The following MROH1 variants were observed in gnomAD, a reference collection of about 807,000 sequenced individuals.
The protein encoded by MROH1 is maestro heat-like repeat-containing protein family member 1.
Under a neutral mutation model 116.5 loss-of-function variants are expected in MROH1, and 117 were observed. That is an observed-to-expected ratio of 1.00 (90% CI 0.86 to 1.17). The LOEUF (loss-of-function observed/expected upper bound fraction) is 1.17, where lower values mean the gene tolerates loss of function less well. Ranked by LOEUF, MROH1 falls within the 50% of genes most tolerant of loss-of-function variation. The pLI is 0.00. For missense variants in MROH1, 1,873 were observed against 1,338.5 expected (o/e 1.40, Z -6.23); for synonymous variants, 921 against 583.9 (o/e 1.58, Z -8.32).
intron 7 of MROH1, among the ~76,000 whole-genome samples, chr8:144,183,638 CTTCTTTT>C (rs369500256): frequency 1.5e-4 from 22 of 151,316 alleles, no homozygotes; most frequent in East Asian, 3.9e-4. Context: ...GGCCTTTCTT[CTTCTTTT>C]TTCTTTTTTC....
chr8:144,202,663 AG>A (rs1588131790), intron 12 of MROH1, among the ~76,000 whole-genome samples: 22 of 21,400 alleles, frequency 1.0e-3, no homozygotes, highest in Admixed American at 2.0e-3. Context: ...AGAGGCGGGG[AG>A]GGGGAGCACC....
intron 35 of MROH1, among the ~76,000 whole-genome samples, chr8:144,257,259 G>A (rs960675466): frequency 1.1e-4 from 16 of 152,158 alleles, no homozygotes; most frequent in Admixed American, 4.6e-4. Context: ...CTTCTCGTAC[G>A]TCCGACCTTG....
Position 144,248,899 on chromosome 8 carries a change from C to G in MROH1, c.3143C>G (p.Pro1048Arg), listed in dbSNP as rs933449644. ...VGQIIAKRLPPDQLISLLLTM... is the reference protein window; with the variant it reads ...VGQIIAKRLPRDQLISLLLTM... ...TAGATTATTGCCAAGCGCCTCCCCCCAGACCAGCTCATCAGCCTCTTGCTA... is the reference window on the plus strand; with the variant it reads ...TAGATTATTGCCAAGCGCCTCCCCCGAGACCAGCTCATCAGCCTCTTGCTA... The change falls in exon 32 of 44, where the codon CCA (proline) becomes CGA (arginine). Residue 1048 changes from proline to arginine, a missense_variant. Coordinates refer to ENST00000326134, the MANE Select transcript of MROH1 (RefSeq NM_032450.3). 2.6e-6 allele frequency: 2 copies of G among 778,920 alleles called. No individual in the cohort carries two copies. Among genetic ancestry groups the G allele is most frequent in the Non-Finnish European group, 2.4e-6 (1 of 417,196 alleles). The allele number at this position is 778,920 out of a possible 1,614,324, so 48.3% of individuals were successfully genotyped here.
chr8:144,162,124 G>A (rs1191622664), intron 2 of MROH1, among the ~76,000 whole-genome samples: 5 of 141,816 alleles, frequency 3.5e-5, no homozygotes, highest in South Asian at 4.4e-4. Context: ...TCACTCTGTC[G>A]CCCAGGCTGG....
intron 17 of MROH1, 121 bp from the exon 18 acceptor site, chr8:144,239,493 G>C: frequency 1.3e-6 from 1 of 764,766 alleles, no homozygotes; most frequent in Non-Finnish European, 2.4e-6. Flanking sequence ...TCCTCTACGT[G>C]GGCGGCCCAG....
chr8:144,203,578 G>A (rs1280081334), intron 12 of MROH1, among the ~76,000 whole-genome samples: 1 of 152,066 alleles, frequency 6.6e-6, no homozygotes, highest in Non-Finnish European at 1.5e-5. Flanking sequence ...AGAAGCGCAG[G>A]CTCTCTGTGG....
chr8:144,228,598 G>T (rs755282967), intron 14 of MROH1, among the ~76,000 whole-genome samples: 37 of 152,078 alleles, frequency 2.4e-4, no homozygotes, highest in Non-Finnish European at 5.3e-4. Flanking sequence ...CAAGTAGTTG[G>T]GATTACAGCC....
intron 28 of MROH1, 57 bp from the exon 29 acceptor site, chr8:144,245,099 C>T (rs1841664078): frequency 5.1e-6 from 4 of 777,732 alleles, no homozygotes; most frequent in Non-Finnish European, 7.2e-6. Context: ...ATGCACAAGG[C>T]TCCTGCCCCC....
intron 14 of MROH1, among the ~76,000 whole-genome samples, chr8:144,234,476 G>A (rs1396064030): frequency 1.9e-5 from 2 of 106,274 alleles, no homozygotes; most frequent in Non-Finnish European, 4.1e-5. Flanking sequence ...TATTGTAAAT[G>A]GAATTATTTT....
intron 26 of MROH1, 95 bp downstream of exon 26, chr8:144,244,037 C>CGT (rs1156325737): frequency 1.4e-5 from 10 of 723,774 alleles, no homozygotes; most frequent in African/African-American, 1.0e-4. Context: ...TGTGCATGTG[C>CGT]GTGTGTGTGC....
intron 26 of MROH1, 102 bp downstream of exon 26, chr8:144,244,044 G>T: frequency 1.4e-6 from 1 of 721,482 alleles, no homozygotes; most frequent in Non-Finnish European, 2.6e-6. Context: ...GTGCGTGTGT[G>T]TGCCTGTGCT....
chr8:144,233,628 C>T (rs528146547), intron 14 of MROH1, among the ~76,000 whole-genome samples: 10 of 152,186 alleles, frequency 6.6e-5, no homozygotes, highest in Non-Finnish European at 1.2e-4. Context: ...GCTTCTCCCA[C>T]TCAGCATAAG....
chr8:144,210,469 A>G (rs928984020), intron 12 of MROH1, among the ~76,000 whole-genome samples: 1 of 152,138 alleles, frequency 6.6e-6, no homozygotes, highest in Non-Finnish European at 1.5e-5. Flanking sequence ...AGGCAGGCAG[A>G]TTACTTGAGG....
At position 144,255,647 on chromosome 8, in the gene MROH1, G is replaced by A; in HGVS notation, c.3733G>A (p.Ala1245Thr). ...TGTCCAGCTGCCCCGGAACCTGCAG[G>A]CCCAGGAAAGGAGGGGTGCCAGTCC... ...VGVQLPRNLQ[A>T]QERRGASPAL... Residue 1245 changes from alanine to threonine, a missense_variant, in exon 35 of 44, where the codon GCC becomes ACC. Transcript: ENST00000326134. The A allele has an allele frequency of 1.3e-6, 1 of 770,556 alleles. No homozygotes were observed. The highest frequency in any genetic ancestry group is 2.4e-6 in the Non-Finnish European group (1 of 414,198). The allele number at this position is 770,556 out of a possible 1,614,324, so 47.7% of individuals were successfully genotyped here.
At chr8:144,229,203 A>T (rs1564524233) in intron 14 of MROH1, among the ~76,000 whole-genome samples, 1 of 152,098 alleles carries the variant, frequency 6.6e-6, no homozygotes, top group Non-Finnish European at 1.5e-5. Flanking sequence ...GAGGTTTGGA[A>T]TCAACTTCTT....
intron 1 of MROH1, among the ~76,000 whole-genome samples, chr8:144,154,606 T>A (rs1050396847): frequency 1.1e-4 from 16 of 151,966 alleles, no homozygotes; most frequent in Non-Finnish European, 1.5e-4. Flanking sequence ...TTTGGAATTA[T>A]CACAGTAGTT....
At chr8:144,167,504 C>T (rs1386394469) in intron 3 of MROH1, among the ~76,000 whole-genome samples, 23 of 131,728 alleles carry the variant, frequency 1.7e-4, no homozygotes, top group Admixed American at 1.2e-3. Context: ...GTAGAGTGGC[C>T]GGTTGTTGGG....
Position 144,191,872 on chromosome 8 carries a change from C to T in MROH1, c.855+17C>T, listed in dbSNP as rs1422191507. ...TTGTCCAAGGTATCTGCAGGCAGGG[C>T]AGGTCTACTGTCCCCGAGGACCCCT... On this transcript the variant is annotated intron_variant, in intron 9 of 43. Transcript: ENST00000326134. 1 of 1,612,696 alleles carries T rather than the reference C, an allele frequency of 6.2e-7. No homozygotes were observed. The highest frequency in any genetic ancestry group is 1.3e-5 in the African/African-American group (1 of 75,038).
chr8:144,191,044 C>T, intron 8 of MROH1, 109 bp downstream of exon 8: 1 of 1,201,072 alleles, frequency 8.3e-7, no homozygotes, highest in Non-Finnish European at 1.1e-6. Flanking sequence ...CATTGGCAAG[C>T]AGAGGTGCCC....
Sources: allele counts gnomAD v4.1 joint callset (sites outside exome capture counted in the v4.1 genomes callset), GRCh38; gene constraint gnomAD v4.1.1; transcripts MANE v1.5; gene names NCBI Gene and HGNC (gene_info 2026-07-23, HGNC 2026-07-21).